Variants in COL27A1 observed in about 807,000 individuals in gnomAD.
COL27A1 encodes collagen alpha-1(XXVII) chain.
A neutral mutation model predicts 251.3 loss-of-function variants in COL27A1; 106 were observed. The observed-to-expected ratio is 0.42, with a 90% confidence interval of 0.36 to 0.50. The LOEUF (loss-of-function observed/expected upper bound fraction) is 0.50, where lower values mean the gene tolerates loss of function less well. Among genes scored for constraint, COL27A1 ranks in the 20% least tolerant of loss-of-function variants. The pLI is 0.00. For missense variants in COL27A1, 2,325 were observed against 2,522.8 expected (o/e 0.92, Z 1.68); for synonymous variants, 1,000 against 986.3 (o/e 1.01, Z -0.26).
At chr9:114,209,911 T>C (rs1409452535) in intron 11 of COL27A1, among the ~76,000 whole-genome samples, 183 bp downstream of exon 11, 2 of 152,176 alleles carry the variant, frequency 1.3e-5, no homozygotes, top group African/African-American at 2.4e-5. Flanking sequence ...GGGAACAGCA[T>C]GTGCGAAGTC....
rs749171158 is a variant in COL27A1 at position 114,301,082 on chromosome 9, G to C, written c.4712G>C (p.Gly1571Ala). The change falls in exon 52 of 61, where the codon GGC becomes GCC. Residue 1571 changes from glycine to alanine, a missense_variant. Physicochemically the swap from Gly to Ala is moderately conservative, Grantham distance 60. Transcript: ENST00000356083. ...RGPPGLMGKE[G>A]IVGPLGILGP... is the part of the protein sequence containing the mutation. Reference sequence around the variant, plus strand: ...TTCTGTCTCCTTTAGGGAAAGGAAGGCATCGTCGGGCCCCTCGGAATCCTG... The same window carrying C: ...TTCTGTCTCCTTTAGGGAAAGGAAGCCATCGTCGGGCCCCTCGGAATCCTG... The C allele has an allele frequency of 1.2e-6, 2 of 1,611,182 alleles. No individual in the cohort carries two copies. Among genetic ancestry groups the C allele is most frequent in the South Asian group, 2.2e-5 (2 of 90,508 alleles).
intron 28 of COL27A1, among the ~76,000 whole-genome samples, chr9:114,259,389 T>C (rs997554470): frequency 1.3e-5 from 2 of 152,232 alleles, no homozygotes; most frequent in Non-Finnish European, 2.9e-5. Context: ...ATACTGCCTG[T>C]CACACACATT....
At chr9:114,289,128 C>A in intron 44 of COL27A1, 114 bp from the exon 45 acceptor site, 2 of 1,402,150 alleles carry the variant, frequency 1.4e-6, no homozygotes, top group Non-Finnish European at 2.0e-6. Context: ...GGGATGCCCC[C>A]AGAACCTGCA....
chr9:114,196,006 A>T lies in COL27A1; in HGVS notation c.2118A>T (p.Gly706=), dbSNP rs1230723824. Residue 706 remains glycine (G), a synonymous_variant, in exon 7 of 61, where the codon GGA becomes GGT. Transcript: ENST00000356083. ...PGLSGNPGPP[G]RKGHKGYPGP... ...TCTCCGGGAATCCAGGACCTCCGGG[A>T]CGAAAGGTACTGTTTGGTTTTGATG... is the stretch of plus-strand genomic sequence containing the variant. 1 of 1,613,900 alleles carries T rather than the reference A, an allele frequency of 6.2e-7. No homozygotes were observed. Among genetic ancestry groups the T allele is most frequent in the Non-Finnish European group, 8.5e-7 (1 of 1,179,906 alleles).
chr9:114,180,550 A>C (rs1827822170), intron 4 of COL27A1, among the ~76,000 whole-genome samples: 1 of 152,182 alleles, frequency 6.6e-6, no homozygotes, highest in South Asian at 2.1e-4. Flanking sequence ...ATAGATTATA[A>C]AATTCCAAAG....
chr9:114,266,637 TATTCGTCCC>T lies in COL27A1; in HGVS notation c.3447+22_3447+30del, dbSNP rs771832561. On this transcript the variant is annotated intron_variant, in intron 33 of 60. Coordinates refer to ENST00000356083, the MANE Select transcript of COL27A1 (RefSeq NM_032888.4). ...ACCCAAGGTGAGTGTGAGAGACCCT[TATTCGTCCC>T]ATGATGCTGCTGGGGATGTATCAGC... is the stretch of plus-strand genomic sequence containing the variant. The T allele has an allele frequency of 9.9e-6, 16 of 1,610,008 alleles. No individual in the cohort carries two copies. The highest frequency in any genetic ancestry group is 1.3e-5 in the Non-Finnish European group (15 of 1,176,518).
In COL27A1 at chr9:114,168,289, C is replaced by T; in HGVS notation, c.734C>T (p.Pro245Leu). The T allele has an allele frequency of 6.2e-7, 1 of 1,613,674 alleles. No homozygotes were observed. Among genetic ancestry groups the T allele is most frequent in the Non-Finnish European group, 8.5e-7 (1 of 1,180,030 alleles). ...QCGQADTYQS[P>L]LGPLFSQDSG... ...GGACAGGCTGACACGTACCAGTCCCCACTGGGACCTCTCTTCTCCCAAGAC... is the reference window on the plus strand; with the variant it reads ...GGACAGGCTGACACGTACCAGTCCCTACTGGGACCTCTCTTCTCCCAAGAC... Residue 245 changes from proline (P) to leucine (L), a missense_variant, in exon 3 of 61, where the codon CCA becomes CTA. This residue lies in a region of COL27A1 where 1,183 missense variants were observed against 1,144.1 expected (regional missense o/e 1.03). Transcript: ENST00000356083.
At chr9:114,205,313 T>C (rs533541769) in intron 8 of COL27A1, among the ~76,000 whole-genome samples, 167 bp downstream of exon 8, 1 of 152,182 alleles carries the variant, frequency 6.6e-6, no homozygotes, top group African/African-American at 2.4e-5. Context: ...ACCCCACCTC[T>C]CTCGCCCAGC....
intron 31 of COL27A1, 104 bp from the exon 32 acceptor site, chr9:114,265,318 G>T: frequency 7.9e-7 from 1 of 1,263,072 alleles, no homozygotes; most frequent in Non-Finnish European, 1.1e-6. Context: ...GTCACCCGGT[G>T]TGGGAGGAGG....
chr9:114,212,139 C>T (rs1221496650), intron 12 of COL27A1, among the ~76,000 whole-genome samples: 1 of 152,192 alleles, frequency 6.6e-6, no homozygotes, highest in Admixed American at 6.5e-5. Flanking sequence ...GTCCCTCCAC[C>T]CCCAACCTAG....
At position 114,168,128 on chromosome 9, in the gene COL27A1, C is replaced by T. The variant is rs138434112; in HGVS notation, c.573C>T (p.Leu191=). 9.0e-4 allele frequency: 1,455 copies of T among 1,612,952 alleles called. 10 individuals carry two copies. In the African/African-American group the frequency reaches 0.017, roughly 19 times the overall value. ...TGCCTTTCCACAGGGACCCTGCACT[C>T]GACCCTGGGGGCTCCTTCCTCTTTG... ...VLLPFHRDPA[L]DPGGSFLFGK... Residue 191 remains leucine, a synonymous_variant, in exon 3 of 61, where the codon CTC becomes CTT. Transcript: ENST00000356083.
At chr9:114,176,256 C>T (rs1827429967) in intron 3 of COL27A1, among the ~76,000 whole-genome samples, 1 of 152,128 alleles carries the variant, frequency 6.6e-6, no homozygotes, top group Admixed American at 6.5e-5. Context: ...ACAGTTGGGT[C>T]AAGGAGGGCC....
intron 5 of COL27A1, among the ~76,000 whole-genome samples, chr9:114,188,066 G>T (rs886641771): frequency 6.6e-6 from 1 of 152,218 alleles, no homozygotes; most frequent in Non-Finnish European, 1.5e-5. Context: ...CCAGCTGGTG[G>T]TAGAAGAAAA....
intron 33 of COL27A1, among the ~76,000 whole-genome samples, chr9:114,267,094 A>G (rs1468296194): frequency 1.3e-5 from 2 of 152,208 alleles, no homozygotes; most frequent in Admixed American, 6.5e-5. Flanking sequence ...GTGATAACTC[A>G]GGGCTGCTTC....
rs1588533493 is a variant in COL27A1, at chr9:114,156,029, G to T, written c.62+17G>T. On this transcript the variant is annotated intron_variant, in intron 1 of 60. Transcript: ENST00000356083. ...GCGCGGGGGGTGAGTACGAACTCGG[G>T]GACGCCCCCTCCCTAGCTTCCTGCT... The T allele has an allele frequency of 2.3e-6, 3 of 1,297,764 alleles. No individual in the cohort carries two copies. The highest frequency in any genetic ancestry group is 2.9e-6 in the Non-Finnish European group (3 of 1,019,084). The allele number at this position is 1,297,764 out of a possible 1,614,324, so 80.4% of individuals were successfully genotyped here. A position where few individuals can be genotyped will look rare whatever the true frequency, so the allele number is the denominator to read the frequency against.
At chr9:114,288,086 C>T (rs1023250897) in intron 41 of COL27A1, among the ~76,000 whole-genome samples, 2 of 152,190 alleles carry the variant, frequency 1.3e-5, no homozygotes, top group African/African-American at 2.4e-5. Context: ...CACCCCACTC[C>T]GCTCTGTTCT....
intron 20 of COL27A1, 58 bp downstream of exon 20, chr9:114,240,331 C>T: frequency 6.3e-7 from 1 of 1,581,184 alleles, no homozygotes; most frequent in Non-Finnish European, 8.6e-7. Flanking sequence ...GCAGAAACCA[C>T]AGGGGCTGGC....
intron 14 of COL27A1, among the ~76,000 whole-genome samples, chr9:114,227,001 C>T (rs565168940): frequency 7.9e-5 from 12 of 152,252 alleles, no homozygotes; most frequent in Admixed American, 2.0e-4. Context: ...TGCTGGAGGC[C>T]GAAGGACAAA....
intron 2 of COL27A1, among the ~76,000 whole-genome samples, chr9:114,166,368 A>AATCCATCCATCCGTCCATCCATCC (rs1554786335): frequency 0.024 from 883 of 37,128 alleles, 8 homozygotes; most frequent in East Asian, 0.033. Flanking sequence ...TCCATCCATC[A>AATCCATCCATCCGTCCATCCATCC]ATCCATCCAT....
Sources: allele counts gnomAD v4.1 joint callset (sites outside exome capture counted in the v4.1 genomes callset), GRCh38; gene constraint gnomAD v4.1.1; regional missense constraint gnomAD v4.1.1; transcripts MANE v1.5; gene names NCBI Gene and HGNC (gene_info 2026-07-23, HGNC 2026-07-21).